The following DPP10 variants were observed in gnomAD, a reference collection of about 807,000 sequenced individuals.
DPP10 encodes the protein dipeptidyl peptidase like 10, also known as inactive dipeptidyl peptidase 10.
A neutral mutation model predicts 120.9 loss-of-function variants in DPP10; 33 were observed. That is an observed-to-expected ratio of 0.27 (90% confidence interval 0.21 to 0.37). DPP10 has a LOEUF of 0.37. DPP10 is among the 10% of genes least tolerant of loss of function. The pLI, the probability that DPP10 is intolerant of heterozygous loss-of-function variation, is 1.00. For synonymous variants in DPP10, 337 were observed against 326.1 expected (o/e 1.03, Z -0.36); for missense variants, 816 against 942.8 (o/e 0.87, Z 1.76).
chr2:115,083,341 G>A (rs945390719), intron 1 of DPP10, among the ~76,000 whole-genome samples: 3 of 152,072 alleles, frequency 2.0e-5, no homozygotes, highest in Non-Finnish European at 2.9e-5. Flanking sequence ...CTGACAGTTA[G>A]GTAATAGTCA....
intron 10 of DPP10, among the ~76,000 whole-genome samples, chr2:115,750,860 T>G (rs1678615244): frequency 1.3e-5 from 2 of 152,198 alleles, no homozygotes; most frequent in Non-Finnish European, 2.9e-5. Context: ...GCATTTCATT[T>G]GAGACCAACT....
intron 1 of DPP10, among the ~76,000 whole-genome samples, chr2:115,093,322 G>A (rs1573586305): frequency 6.6e-6 from 1 of 152,034 alleles, no homozygotes. Flanking sequence ...AAATAGCAAT[G>A]AGTTATAAAT....
chr2:114,782,107 C>G (rs1558736063), intron 1 of DPP10, among the ~76,000 whole-genome samples: 2 of 151,928 alleles, frequency 1.3e-5, no homozygotes, highest in Admixed American at 1.3e-4. Context: ...GCTTTTGAAG[C>G]CAGCCTCAAC....
rs1406926352 is a variant in DPP10 at position 115,745,343 on chromosome 2, C to T, written c.853-743C>T. 5.3e-5 allele frequency among the ~76,000 whole-genome samples: 8 copies of T among 150,488 alleles called. No individual in the cohort carries two copies. The East Asian group carries it at 1.5e-3, about 29-fold the overall frequency. On this transcript the variant is annotated intron_variant, in intron 9 of 25. Coordinates refer to ENST00000410059, the MANE Select transcript of DPP10 (RefSeq NM_020868.6). ...ATTTGTGCAATGCCTTTAGTGCCTA[C>T]TATGTGCCAGAAACGTACCAACTAC...
chr2:115,367,575 CTAAG>C (rs1259273699), intron 3 of DPP10, among the ~76,000 whole-genome samples: 4 of 151,812 alleles, frequency 2.6e-5, no homozygotes, highest in Admixed American at 6.6e-5. Flanking sequence ...TTATACTTTT[CTAAG>C]TGTTTCAAAT....
rs1691210949 is a variant in DPP10, at chr2:114,876,916, ACTTTTCCTTTCC to A, written c.61-432322_61-432311del. Reference sequence around the variant, plus strand: ...ACCCTAAAGGTACTAAAGTGTCACGACTTTTCCTTTCCTCTGCAGTCTCTCTCTTGACTTGTC... The same window carrying A: ...ACCCTAAAGGTACTAAAGTGTCACGATCTGCAGTCTCTCTCTTGACTTGTC... On this transcript the variant is annotated intron_variant, in intron 1 of 25. Coordinates refer to ENST00000410059, the MANE Select transcript of DPP10 (RefSeq NM_020868.6). 5.9e-5 allele frequency among the ~76,000 whole-genome samples: 9 copies of A among 151,946 alleles called. No homozygotes were observed. The Admixed American group carries it at 6.0e-4, about 10-fold the overall frequency.
chr2:114,951,181 G>A (rs1339078424), intron 1 of DPP10, among the ~76,000 whole-genome samples: 4 of 152,078 alleles, frequency 2.6e-5, no homozygotes, highest in African/African-American at 9.7e-5. Context: ...ATAAATCAAG[G>A]CAAGATTTAG....
intron 1 of DPP10, among the ~76,000 whole-genome samples, chr2:114,904,863 A>AGTT (rs1372700121): frequency 1.3e-5 from 2 of 152,110 alleles, no homozygotes; most frequent in Non-Finnish European, 2.9e-5. Flanking sequence ...CAAGCTAGAT[A>AGTT]GTTGGGGGCA....
intron 5 of DPP10, among the ~76,000 whole-genome samples, chr2:115,641,598 T>A (rs1260686517): frequency 6.6e-6 from 1 of 152,188 alleles, no homozygotes; most frequent in Non-Finnish European, 1.5e-5. Flanking sequence ...TATCTACTTA[T>A]GAGTCTCTAT....
At chr2:115,123,258 A>C (rs1376066562) in intron 1 of DPP10, among the ~76,000 whole-genome samples, 3 of 152,178 alleles carry the variant, frequency 2.0e-5, no homozygotes, top group African/African-American at 7.2e-5. Context: ...AGTCAAGTAC[A>C]CTTGGAAGAG....
chr2:115,358,789 A>G (rs2064577868), intron 3 of DPP10, among the ~76,000 whole-genome samples: 2 of 152,174 alleles, frequency 1.3e-5, no homozygotes, highest in Non-Finnish European at 2.9e-5. Flanking sequence ...GCAACTTACA[A>G]TTATGGTAGA....
At chr2:114,492,868 T>C (rs1228584056) in intron 1 of DPP10, among the ~76,000 whole-genome samples, 1 of 152,196 alleles carries the variant, frequency 6.6e-6, no homozygotes, top group East Asian at 1.9e-4. Flanking sequence ...CAAATGTTTG[T>C]TGGGCATCTA....
chr2:115,185,447 A>G (rs1261929208), intron 1 of DPP10, among the ~76,000 whole-genome samples: 1 of 152,190 alleles, frequency 6.6e-6, no homozygotes, highest in Non-Finnish European at 1.5e-5. Context: ...GTTTTAAAGT[A>G]TTACAGAAGA....
At chr2:115,330,076 T>C (rs2062619592) in intron 2 of DPP10, among the ~76,000 whole-genome samples, 2 of 152,110 alleles carry the variant, frequency 1.3e-5, no homozygotes, top group African/African-American at 4.8e-5. Flanking sequence ...TGTTCCTATT[T>C]CTCCACATCC....
Position 114,669,460 on chromosome 2 carries a change from C to T in DPP10, c.60+226622C>T, listed in dbSNP as rs899003360. Among the ~76,000 whole-genome samples the T allele has an allele frequency of 4.6e-5, 7 of 152,038 alleles. 1 individual carries two copies. In the South Asian group the frequency reaches 1.0e-3, roughly 23 times the overall value. ...TTTGGTACTGTGGATGGGGAAGACT[C>T]CCTTATGTCAATGAAGGAGTTACGT... On this transcript the variant is annotated intron_variant, in intron 1 of 25. Transcript: ENST00000410059.
At position 115,833,976 on chromosome 2, in the gene DPP10, A is replaced by G. The variant is rs149848509; in HGVS notation, c.1951-2181A>G. Among the ~76,000 whole-genome samples, 4 of 152,220 alleles carry G rather than the reference A, an allele frequency of 2.6e-5. No individual in the cohort carries two copies. The East Asian group carries it at 5.8e-4, about 22-fold the overall frequency. ...AATACATTTACCTACCTAAGGGAAA[A>G]TTTAAAATGGGCTACTTCCAGATTT... On this transcript the variant is annotated intron_variant, in intron 21 of 25. Coordinates refer to ENST00000410059, the MANE Select transcript of DPP10 (RefSeq NM_020868.6).
At chr2:115,275,990 C>T (rs942578214) in intron 1 of DPP10, among the ~76,000 whole-genome samples, 72 of 152,180 alleles carry the variant, frequency 4.7e-4, no homozygotes, top group African/African-American at 1.4e-3. Context: ...CGTGAGCCAC[C>T]GCGCCCGGCC....
intron 1 of DPP10, among the ~76,000 whole-genome samples, chr2:115,072,945 G>C (rs1246392956): frequency 1.3e-5 from 2 of 152,036 alleles, no homozygotes; most frequent in African/African-American, 4.8e-5. Context: ...ACCATACCCA[G>C]CTAATTTTTG....
At chr2:114,767,842 C>T (rs540410547) in intron 1 of DPP10, among the ~76,000 whole-genome samples, 3 of 152,142 alleles carry the variant, frequency 2.0e-5, no homozygotes, top group East Asian at 1.9e-4. Flanking sequence ...TCAGAGAGGC[C>T]GAGCATGGTG....
Sources: allele counts gnomAD v4.1 joint callset (sites outside exome capture counted in the v4.1 genomes callset), GRCh38; gene constraint gnomAD v4.1.1; transcripts MANE v1.5; gene names NCBI Gene and HGNC (gene_info 2026-07-23, HGNC 2026-07-21).